PDE4B: variants seen among roughly 807,000 people sequenced by gnomAD.
PDE4B encodes 3',5'-cyclic-AMP phosphodiesterase 4B.
A neutral mutation model predicts 82.2 loss-of-function variants in PDE4B; 20 were observed. That is an observed-to-expected ratio of 0.24 (90% CI 0.17 to 0.35). The LOEUF (loss-of-function observed/expected upper bound fraction) is 0.35. PDE4B is among the 10% of genes least tolerant of loss of function. The pLI, the probability that PDE4B is intolerant of heterozygous loss-of-function variation, is 1.00. For missense variants in PDE4B, 655 were observed against 907.2 expected (o/e 0.72, Z 3.57); for synonymous variants, 320 against 318.9 (o/e 1.00, Z -0.04).
chr1:66,230,797 C>T (rs572134618), intron 3 of PDE4B, among the ~76,000 whole-genome samples: 7 of 152,242 alleles, frequency 4.6e-5, no homozygotes, highest in African/African-American at 1.4e-4. Flanking sequence ...CCTGTAATCC[C>T]AGCACTTTGG....
intron 3 of PDE4B, among the ~76,000 whole-genome samples, chr1:66,014,270 G>T (rs960113991): frequency 1.3e-5 from 2 of 152,034 alleles, no homozygotes; most frequent in Non-Finnish European, 2.9e-5. Context: ...TGTGTTCTCT[G>T]ATGCACAGAA....
At chr1:66,165,952 G>GAA (rs138170760) in intron 3 of PDE4B, among the ~76,000 whole-genome samples, 4 of 139,402 alleles carry the variant, frequency 2.9e-5, no homozygotes, top group Non-Finnish European at 6.3e-5. Context: ...ACCTTGAGGG[G>GAA]AAAAAAAAAA....
intron 3 of PDE4B, among the ~76,000 whole-genome samples, chr1:66,174,633 G>A (rs1570399725): frequency 6.6e-6 from 1 of 152,058 alleles, no homozygotes; most frequent in Non-Finnish European, 1.5e-5. Context: ...GCACATGCCT[G>A]TAATCCCAGC....
chr1:66,077,531 T>C (rs995577581), intron 3 of PDE4B, among the ~76,000 whole-genome samples: 4 of 152,142 alleles, frequency 2.6e-5, no homozygotes, highest in African/African-American at 9.7e-5. Flanking sequence ...ACCTCAGAAC[T>C]GAGTCCAGTG....
intron 8 of PDE4B, among the ~76,000 whole-genome samples, chr1:66,340,067 C>T (rs1219465382): frequency 6.6e-6 from 1 of 152,152 alleles, no homozygotes; most frequent in Non-Finnish European, 1.5e-5. Flanking sequence ...CAAATTTGTG[C>T]CACAGTCAAT....
At chr1:66,337,454 G>C (rs887816241) in intron 8 of PDE4B, among the ~76,000 whole-genome samples, 5 of 152,234 alleles carry the variant, frequency 3.3e-5, no homozygotes, top group African/African-American at 1.2e-4. Context: ...TTAGGCCTAA[G>C]GAGTTTAACC....
intron 1 of PDE4B, among the ~76,000 whole-genome samples, chr1:65,894,329 G>C (rs187167761): frequency 6.6e-6 from 1 of 152,102 alleles, no homozygotes; most frequent in African/African-American, 2.4e-5. Context: ...ATTAATGTTG[G>C]ATGTTATATG....
chr1:66,251,548 C>T (rs565980072), intron 4 of PDE4B, among the ~76,000 whole-genome samples: 1 of 152,140 alleles, frequency 6.6e-6, no homozygotes, highest in South Asian at 2.1e-4. Flanking sequence ...TTCAAGGGTA[C>T]GGAAACATTA....
chr1:65,997,380 T>C (rs1307959605), intron 3 of PDE4B, among the ~76,000 whole-genome samples: 2 of 152,168 alleles, frequency 1.3e-5, no homozygotes, highest in Admixed American at 1.3e-4. Flanking sequence ...TCTTTACTTG[T>C]CTATCTAATA....
Position 65,895,475 on chromosome 1 carries a change from G to A in PDE4B, c.-70-17770G>A, listed in dbSNP as rs190137131. On this transcript the variant is annotated intron_variant, in intron 1 of 16. Transcript: ENST00000341517. ...TGAGGCAGGAGAATCGCTTGAACCC[G>A]GGTTGCAGAGGTTGCAGTGAGCTGA... is the stretch of plus-strand genomic sequence containing the variant. Among the ~76,000 whole-genome samples the A allele has an allele frequency of 3.7e-3, 550 of 149,642 alleles. 5 individuals are homozygous for A. Among genetic ancestry groups the A allele is most frequent in the Non-Finnish European group, 5.4e-3 (365 of 67,594 alleles).
intron 7 of PDE4B, among the ~76,000 whole-genome samples, chr1:66,296,193 C>G (rs1657501508): frequency 6.6e-6 from 1 of 152,116 alleles, no homozygotes; most frequent in African/African-American, 2.4e-5. Flanking sequence ...TCCCACTAGA[C>G]TTATTGGTGG....
intron 3 of PDE4B, among the ~76,000 whole-genome samples, chr1:66,116,533 G>C (rs1211628833): frequency 6.6e-6 from 1 of 152,032 alleles, no homozygotes; most frequent in Non-Finnish European, 1.5e-5. Context: ...TGGACTGAGG[G>C]TGTCAACATC....
intron 1 of PDE4B, among the ~76,000 whole-genome samples, chr1:65,880,079 G>T (rs758740657): frequency 6.6e-6 from 1 of 152,172 alleles, no homozygotes; most frequent in African/African-American, 2.4e-5. Flanking sequence ...TGTCTGGCTT[G>T]TTACTGTTTG....
chr1:66,112,024 T>C (rs1427154865), intron 3 of PDE4B, among the ~76,000 whole-genome samples: 2 of 152,074 alleles, frequency 1.3e-5, no homozygotes, highest in Non-Finnish European at 2.9e-5. Context: ...TGTTCAAGGA[T>C]GAAGATGAAC....
At chr1:65,867,488 A>G (rs1223687001) in intron 1 of PDE4B, among the ~76,000 whole-genome samples, 1 of 152,218 alleles carries the variant, frequency 6.6e-6, no homozygotes, top group African/African-American at 2.4e-5. Context: ...CATTTATCAA[A>G]TCATAGCTTT....
At chr1:65,951,964 C>T (rs767612308) in intron 3 of PDE4B, among the ~76,000 whole-genome samples, 1 of 152,064 alleles carries the variant, frequency 6.6e-6, no homozygotes, top group Admixed American at 6.6e-5. Context: ...TGGCTGAAAC[C>T]TGTGGGTTTC....
intron 1 of PDE4B, among the ~76,000 whole-genome samples, chr1:65,866,731 T>G (rs1241458985): frequency 6.6e-6 from 1 of 152,226 alleles, no homozygotes; most frequent in Non-Finnish European, 1.5e-5. Flanking sequence ...GCAGTCAGCA[T>G]ATTCCAGTCA....
intron 16 of PDE4B, among the ~76,000 whole-genome samples, chr1:66,371,078 AT>A (rs2050746180): frequency 7.4e-6 from 1 of 135,012 alleles, no homozygotes; most frequent in Non-Finnish European, 1.6e-5. Flanking sequence ...ATATATATAT[AT>A]ACACACACAT....
chr1:66,322,257 C>T (rs1173448586), intron 7 of PDE4B, among the ~76,000 whole-genome samples: 1 of 152,068 alleles, frequency 6.6e-6, no homozygotes, highest in Non-Finnish European at 1.5e-5. Context: ...TAGGCATGGG[C>T]AAAGACTTCA....
Sources: allele counts gnomAD v4.1 joint callset (sites outside exome capture counted in the v4.1 genomes callset), GRCh38; gene constraint gnomAD v4.1.1; transcripts MANE v1.5; gene names NCBI Gene and HGNC (gene_info 2026-07-23, HGNC 2026-07-21).